TMEM163: variants seen among roughly 807,000 people sequenced by gnomAD.
The protein encoded by TMEM163 is transmembrane protein 163.
Under a neutral mutation model 29.3 loss-of-function variants are expected in TMEM163, and 17 were observed. That is an observed-to-expected ratio of 0.58 (90% CI 0.40 to 0.87). The LOEUF (loss-of-function observed/expected upper bound fraction) is 0.87. TMEM163 is among the 40% of genes least tolerant of loss of function. The pLI is 0.00. For missense variants in TMEM163, 303 were observed against 381.5 expected (o/e 0.79, Z 1.71); for synonymous variants, 157 against 160.6 (o/e 0.98, Z 0.17).
intron 2 of TMEM163, among the ~76,000 whole-genome samples, chr2:134,603,594 G>A (rs542357606): frequency 2.0e-4 from 30 of 152,088 alleles, no homozygotes; most frequent in Non-Finnish European, 4.4e-4. Flanking sequence ...GCCATATGGC[G>A]GCTCCTCAAG....
chr2:134,493,909 C>A lies in TMEM163; in HGVS notation c.555+8992G>T, dbSNP rs137979669. ...CATTGAATTACCTTGGCACCTCTGT[C>A]AAAAACCACTTGACTAGATATGTGC... On this transcript the variant is annotated intron_variant, in intron 5 of 7. Coordinates refer to ENST00000281924, the MANE Select transcript of TMEM163 (RefSeq NM_030923.5). Among the ~76,000 whole-genome samples the A allele has an allele frequency of 7.3e-3, 1,118 of 152,240 alleles. 10 individuals are homozygous for A. Among genetic ancestry groups the A allele is most frequent in the African/African-American group, 0.025 (1,040 of 41,530 alleles).
intron 4 of TMEM163, among the ~76,000 whole-genome samples, chr2:134,549,562 T>C (rs1680865414): frequency 6.6e-6 from 1 of 152,168 alleles, no homozygotes; most frequent in African/African-American, 2.4e-5. Context: ...CAGGCTGGTC[T>C]TGAACTCCTG....
intron 5 of TMEM163, among the ~76,000 whole-genome samples, chr2:134,496,123 G>T (rs1029193034): frequency 8.8e-4 from 133 of 151,402 alleles, no homozygotes; most frequent in African/African-American, 3.1e-3. Flanking sequence ...GTGCAGTGGC[G>T]CAATCTTGGC....
chr2:134,608,931 A>G (rs1682425823), intron 2 of TMEM163, among the ~76,000 whole-genome samples: 1 of 66,068 alleles, frequency 1.5e-5, no homozygotes, highest in Non-Finnish European at 2.8e-5. Flanking sequence ...TGCTGGTGAA[A>G]AGGACAGACC....
intron 2 of TMEM163, among the ~76,000 whole-genome samples, chr2:134,602,741 T>C (rs1156951230): frequency 6.6e-6 from 1 of 152,132 alleles, no homozygotes; most frequent in African/African-American, 2.4e-5. Flanking sequence ...GTCTAAATCA[T>C]TCCCTCCTCT....
At chr2:134,494,118 T>C (rs566517719) in intron 5 of TMEM163, among the ~76,000 whole-genome samples, 1 of 152,248 alleles carries the variant, frequency 6.6e-6, no homozygotes, top group East Asian at 1.9e-4. Flanking sequence ...ACATTCTCTC[T>C]CCCTTCCGTC....
intron 2 of TMEM163, among the ~76,000 whole-genome samples, chr2:134,663,937 A>C (rs1314014839): frequency 1.3e-5 from 2 of 152,210 alleles, no homozygotes; most frequent in Non-Finnish European, 2.9e-5. Flanking sequence ...GTGAGCACCC[A>C]ACCTGGCCAG....
intron 2 of TMEM163, among the ~76,000 whole-genome samples, chr2:134,599,461 C>T (rs1457741024): frequency 6.6e-6 from 1 of 151,976 alleles, no homozygotes. Flanking sequence ...TCACTTTCCA[C>T]CATGGGAGGA....
At chr2:134,656,643 G>C (rs984646380) in intron 2 of TMEM163, among the ~76,000 whole-genome samples, 2 of 152,228 alleles carry the variant, frequency 1.3e-5, no homozygotes, top group East Asian at 1.9e-4. Flanking sequence ...GAATAGGAGT[G>C]GTGAGACTAG....
At chr2:134,587,784 TC>T (rs1233334865) in intron 2 of TMEM163, among the ~76,000 whole-genome samples, 54 of 152,314 alleles carry the variant, frequency 3.5e-4, no homozygotes, top group African/African-American at 1.3e-3. Context: ...AGAGATATCC[TC>T]CTGGGCACTG....
intron 4 of TMEM163, among the ~76,000 whole-genome samples, chr2:134,518,146 G>A (rs572862006): frequency 1.8e-4 from 28 of 152,304 alleles, no homozygotes; most frequent in African/African-American, 6.7e-4. Flanking sequence ...CTTCTAAACA[G>A]AGCAATGATA....
intron 2 of TMEM163, among the ~76,000 whole-genome samples, chr2:134,644,483 T>C (rs1213878896): frequency 2.0e-5 from 3 of 152,246 alleles, no homozygotes; most frequent in East Asian, 1.9e-4. Flanking sequence ...CAGATACTAA[T>C]GCGATTCAAT....
intron 4 of TMEM163, among the ~76,000 whole-genome samples, chr2:134,545,840 A>G (rs1415708867): frequency 6.6e-6 from 1 of 152,168 alleles, no homozygotes; most frequent in Non-Finnish European, 1.5e-5. Context: ...TTACTGACCT[A>G]TCAAGGCTTC....
intron 2 of TMEM163, among the ~76,000 whole-genome samples, chr2:134,639,171 C>T (rs959034070): frequency 3.3e-5 from 5 of 152,152 alleles, no homozygotes; most frequent in East Asian, 1.9e-4. Context: ...TGCATTCCAC[C>T]GAGCTGACAC....
intron 4 of TMEM163, among the ~76,000 whole-genome samples, chr2:134,547,065 G>A (rs1245371454): frequency 6.6e-6 from 1 of 152,060 alleles, no homozygotes; most frequent in African/African-American, 2.4e-5. Flanking sequence ...TTGTTCAATG[G>A]GTAGCATTTC....
chr2:134,617,887 G>T (rs1036884248), intron 2 of TMEM163, among the ~76,000 whole-genome samples: 1 of 152,134 alleles, frequency 6.6e-6, no homozygotes, highest in Non-Finnish European at 1.5e-5. Flanking sequence ...AAGGTGGGAG[G>T]GGGGCTTGAG....
intron 2 of TMEM163, among the ~76,000 whole-genome samples, chr2:134,626,065 G>A (rs1471239479): frequency 2.0e-5 from 3 of 151,298 alleles, no homozygotes; most frequent in Non-Finnish European, 2.9e-5. Flanking sequence ...GGAGGCTCTG[G>A]GGAGAATCTG....
In TMEM163 at chr2:134,611,608, G is replaced by A. The variant is rs1682505241; in HGVS notation, c.323-59517C>T. 2.0e-5 allele frequency among the ~76,000 whole-genome samples: 3 copies of A among 152,166 alleles called. No homozygotes were observed. In the South Asian group the frequency reaches 6.2e-4, roughly 32 times the overall value. ...AACAAGGAACAACATTTTAGAGAGT[G>A]ATGAGCAAAAGAACAAGGACACATA... On this transcript the variant is annotated intron_variant, in intron 2 of 7. Coordinates refer to ENST00000281924, the MANE Select transcript of TMEM163 (RefSeq NM_030923.5).
chr2:134,553,031 C>T (rs1680968196), intron 2 of TMEM163, among the ~76,000 whole-genome samples: 1 of 152,154 alleles, frequency 6.6e-6, no homozygotes, highest in Non-Finnish European at 1.5e-5. Flanking sequence ...TGTGCTAAAG[C>T]AATGACAGCT....
Sources: gnomAD v4.1 joint callset for allele counts (sites outside exome capture counted in the v4.1 genomes callset) on GRCh38, gnomAD v4.1.1 for gene constraint, MANE v1.5 for transcripts, NCBI Gene and HGNC (gene_info 2026-07-23, HGNC 2026-07-21) for gene names.